Variants in ZNF610 observed in about 807,000 individuals in gnomAD.
ZNF610 encodes zink finger protein.
In ZNF610, 14 loss-of-function variants were observed where a neutral mutation model predicts 14.1. That is an observed-to-expected ratio of 0.99 (90% CI 0.65 to 1.55). The LOEUF is 1.55. Ranked by LOEUF, ZNF610 falls within the 40% of genes most tolerant of loss-of-function variation. The pLI is 0.00. For synonymous variants in ZNF610, 185 were observed against 187.6 expected (o/e 0.99, Z 0.11); for missense variants, 530 against 558.0 (o/e 0.95, Z 0.51).
Position 52,353,668 on chromosome 19 carries a change from G to A in ZNF610, c.64-14G>A. 1 of 1,612,878 alleles carries A rather than the reference G, an allele frequency of 6.2e-7. No individual in the cohort carries two copies. The highest frequency in any genetic ancestry group is 8.5e-7 in the Non-Finnish European group (1 of 1,179,418). ...ACATTTTTAGTGTTGTAAACAATGT[G>A]GTCCTCATTTTAGGGACGCTTGACA... On this transcript the variant is annotated splice_polypyrimidine_tract_variant and intron_variant, in intron 3 of 5. Coordinates refer to ENST00000403906, the MANE Select transcript of ZNF610 (RefSeq NM_001161425.2).
At chr19:52,364,009 A>G (rs1401748642) in intron 5 of ZNF610, among the ~76,000 whole-genome samples, 1 of 152,114 alleles carries the variant, frequency 6.6e-6, no homozygotes, top group East Asian at 1.9e-4. Context: ...CCTCTGGTGT[A>G]TGTTTGTAGA....
intron 5 of ZNF610, among the ~76,000 whole-genome samples, chr19:52,355,693 G>A (rs189051359): frequency 5.6e-4 from 86 of 152,280 alleles, no homozygotes; most frequent in African/African-American, 1.3e-3. Flanking sequence ...GGGTTCCCTC[G>A]ACTCCCTTCT....
chr19:52,350,702 C>A lies in ZNF610; in HGVS notation c.63+1467C>A, dbSNP rs544582664. ...CAAAAACAAAACAAAACAAAAAAAACCTATACAGCATTATAAGGCTGGACG... is the reference window on the plus strand; with the variant it reads ...CAAAAACAAAACAAAACAAAAAAAAACTATACAGCATTATAAGGCTGGACG... On this transcript the variant is annotated intron_variant, in intron 3 of 5. Coordinates refer to ENST00000403906, the MANE Select transcript of ZNF610 (RefSeq NM_001161425.2). 1.7e-4 allele frequency among the ~76,000 whole-genome samples: 25 copies of A among 151,184 alleles called. No homozygotes were observed. The South Asian group carries it at 4.2e-3, about 25-fold the overall frequency.
At chr19:52,335,815 G>T (rs1286189382), upstream of ZNF610, among the ~76,000 whole-genome samples, 1 of 152,060 alleles carries the variant, frequency 6.6e-6, no homozygotes, top group Non-Finnish European at 1.5e-5. Context: ...AGAATTCCAG[G>T]CCTTTTAAAT....
chr19:52,339,559 T>C (rs948284213), intron 1 of ZNF610, among the ~76,000 whole-genome samples: 13 of 146,434 alleles, frequency 8.9e-5, no homozygotes, highest in Admixed American at 2.0e-4. Flanking sequence ...CCATTAAACC[T>C]TGAGTCAACA....
chr19:52,362,084 C>G (rs951102209), intron 5 of ZNF610, among the ~76,000 whole-genome samples: 3 of 152,104 alleles, frequency 2.0e-5, no homozygotes, highest in African/African-American at 7.2e-5. Flanking sequence ...CTGTGCCTTG[C>G]TAACTAAAAA....
chr19:52,343,925 C>G (rs530057935), intron 1 of ZNF610, among the ~76,000 whole-genome samples: 1 of 152,220 alleles, frequency 6.6e-6, no homozygotes, highest in East Asian at 1.9e-4. Context: ...TTTTGAATTC[C>G]AGTAGTCGAG....
At chr19:52,359,321 G>A (rs1436369622) in intron 5 of ZNF610, among the ~76,000 whole-genome samples, 1 of 152,074 alleles carries the variant, frequency 6.6e-6, no homozygotes, top group African/African-American at 2.4e-5. Flanking sequence ...GCAATTTTTT[G>A]TAGATTTCTG....
chr19:52,335,342 G>A (rs1419937278), upstream of ZNF610, among the ~76,000 whole-genome samples: 1 of 152,194 alleles, frequency 6.6e-6, no homozygotes, highest in African/African-American at 2.4e-5. Flanking sequence ...ATCGCCGAAC[G>A]ATGGGTATGG....
chr19:52,357,186 A>G (rs1328807700), intron 5 of ZNF610, among the ~76,000 whole-genome samples: 2 of 152,280 alleles, frequency 1.3e-5, no homozygotes, highest in Non-Finnish European at 2.9e-5. Context: ...ATGGTAATAC[A>G]TACTTAACAT....
intron 1 of ZNF610, chr19:52,347,206 T>C (rs891963354): frequency 2.6e-5 from 4 of 152,256 alleles, no homozygotes; most frequent in African/African-American, 9.6e-5. Flanking sequence ...GATGTGGCAC[T>C]GGAAGACAGT....
intron 3 of ZNF610, 124 bp downstream of exon 3, chr19:52,349,359 T>A (rs1985132381): frequency 7.3e-7 from 1 of 1,370,736 alleles, no homozygotes; most frequent in Non-Finnish European, 1.0e-6. Context: ...CTCGCTTAGA[T>A]TCTATCTCTC....
upstream of ZNF610, among the ~76,000 whole-genome samples, chr19:52,335,292 CAGTT>C (rs773440233): frequency 7.9e-5 from 12 of 152,154 alleles, no homozygotes; most frequent in East Asian, 1.5e-3. Context: ...GAAAAAAAAG[CAGTT>C]GGTGGTGGCC....
rs1984480953 is a variant in ZNF610, at chr19:52,338,345, A to T, written c.-258+1839A>T. Among the ~76,000 whole-genome samples the T allele has an allele frequency of 2.0e-5, 3 of 152,332 alleles. No homozygotes were observed. The South Asian group carries it at 6.2e-4, about 32-fold the overall frequency. On this transcript the variant is annotated intron_variant, in intron 1 of 5. Coordinates refer to ENST00000403906, the MANE Select transcript of ZNF610 (RefSeq NM_001161425.2). ...ACAAACCATATTACAAAGGATACAG[A>T]TGAACAGCCAGATGGAAGAGCCTTC...
chr19:52,347,477 A>G (rs1032995434), intron 1 of ZNF610, among the ~76,000 whole-genome samples: 10 of 152,188 alleles, frequency 6.6e-5, no homozygotes, highest in African/African-American at 2.4e-4. Flanking sequence ...GTTATTGAGA[A>G]AAAAATATTT....
chr19:52,356,357 A>G (rs377014381), intron 5 of ZNF610, among the ~76,000 whole-genome samples: 36 of 152,162 alleles, frequency 2.4e-4, no homozygotes, highest in African/African-American at 8.2e-4. Context: ...TAGCAACCAG[A>G]TGCTTCTGGT....
chr19:52,343,440 C>T (rs912383206), intron 1 of ZNF610, among the ~76,000 whole-genome samples: 5 of 151,608 alleles, frequency 3.3e-5, no homozygotes, highest in Admixed American at 6.6e-5. Flanking sequence ...TGGTGGCAGG[C>T]GCCTGTAATC....
intron 1 of ZNF610, among the ~76,000 whole-genome samples, chr19:52,338,768 T>C (rs982348613): frequency 1.3e-5 from 2 of 152,122 alleles, no homozygotes; most frequent in Non-Finnish European, 2.9e-5. Flanking sequence ...TGGCGCGATA[T>C]TGGCTCACCA....
rs1302296244 is a variant in ZNF610 at position 52,367,250 on chromosome 19, A to T, written c.*483A>T. On this transcript the variant is annotated 3_prime_UTR_variant, in exon 6 of 6. Coordinates refer to ENST00000403906, the MANE Select transcript of ZNF610 (RefSeq NM_001161425.2). ...GCAATTCTCCTGCCTCAGCCTCCTG[A>T]GTAGCTGGGATTACAGGCATGTGCC... 6.5e-6 allele frequency: 1 copy of T among 153,248 alleles called. No homozygotes were observed. Among genetic ancestry groups the T allele is most frequent in the Non-Finnish European group, 1.4e-5 (1 of 69,024 alleles). The allele number at this position is 153,248 out of a possible 1,614,324, so 9.5% of individuals were successfully genotyped here.
Sources: allele counts gnomAD v4.1 joint callset (sites outside exome capture counted in the v4.1 genomes callset), GRCh38; gene constraint gnomAD v4.1.1; transcripts MANE v1.5; gene names NCBI Gene and HGNC (gene_info 2026-07-23, HGNC 2026-07-21).